ANGPT1: variants seen among roughly 807,000 people sequenced by gnomAD.
ANGPT1 encodes the protein angiopoietin 1.
In ANGPT1, 17 loss-of-function variants were observed where a neutral mutation model predicts 62.2. That is an observed-to-expected ratio of 0.27 (90% CI 0.19 to 0.41). The LOEUF is 0.41. ANGPT1 is among the 10% of genes least tolerant of loss of function. ANGPT1 has a pLI of 1.00. For synonymous variants in ANGPT1, 199 were observed against 198.9 expected (o/e 1.00, Z 0.00); for missense variants, 478 against 594.9 (o/e 0.80, Z 2.04).
intron 8 of ANGPT1, among the ~76,000 whole-genome samples, chr8:107,257,942 C>CTG (rs1231719825): frequency 7.0e-6 from 1 of 142,152 alleles, no homozygotes; most frequent in Non-Finnish European, 1.5e-5. Context: ...CTCTCTCTCT[C>CTG]TCTCTTTCTT....
chr8:107,259,509 C>T (rs1443928965), intron 8 of ANGPT1, among the ~76,000 whole-genome samples: 1 of 152,090 alleles, frequency 6.6e-6, no homozygotes, highest in African/African-American at 2.4e-5. Context: ...TACCAGTTGA[C>T]ATGGTTTATG....
intron 1 of ANGPT1, among the ~76,000 whole-genome samples, chr8:107,443,072 G>C (rs1469026510): frequency 6.6e-6 from 1 of 152,086 alleles, no homozygotes; most frequent in African/African-American, 2.4e-5. Flanking sequence ...TGATAACTTT[G>C]TGTTTGTGTG....
At chr8:107,452,836 G>C (rs1422744115) in intron 1 of ANGPT1, among the ~76,000 whole-genome samples, 1 of 151,906 alleles carries the variant, frequency 6.6e-6, no homozygotes, top group Non-Finnish European at 1.5e-5. Context: ...CATAGTACAG[G>C]CTCAATAAAT....
intron 1 of ANGPT1, among the ~76,000 whole-genome samples, chr8:107,476,222 T>C (rs1489729327): frequency 2.6e-5 from 4 of 152,134 alleles, no homozygotes; most frequent in Non-Finnish European, 5.9e-5. Context: ...TAAGAAAATG[T>C]GGAACATATA....
intron 3 of ANGPT1, among the ~76,000 whole-genome samples, chr8:107,326,046 G>A (rs1349777439): frequency 3.3e-5 from 5 of 152,098 alleles, no homozygotes; most frequent in African/African-American, 4.8e-5. Flanking sequence ...ACATTAGCAC[G>A]TTAGACAGAA....
intron 1 of ANGPT1, among the ~76,000 whole-genome samples, chr8:107,484,232 C>T (rs1812758344): frequency 6.6e-6 from 1 of 152,114 alleles, no homozygotes; most frequent in African/African-American, 2.4e-5. Context: ...CTGCAATCTG[C>T]CTCAAAGTAA....
chr8:107,430,116 T>C (rs1452236313), intron 1 of ANGPT1, among the ~76,000 whole-genome samples: 2 of 152,218 alleles, frequency 1.3e-5, no homozygotes, highest in Admixed American at 6.5e-5. Flanking sequence ...TGTTTTTTAT[T>C]AGAATTTTTA....
intron 1 of ANGPT1, among the ~76,000 whole-genome samples, chr8:107,475,168 T>C (rs1812483691): frequency 6.6e-6 from 1 of 152,040 alleles, no homozygotes; most frequent in Admixed American, 6.5e-5. Flanking sequence ...GGCATCACGC[T>C]ACCTGACTTC....
At chr8:107,319,752 C>T (rs1815106647) in intron 4 of ANGPT1, among the ~76,000 whole-genome samples, 1 of 151,908 alleles carries the variant, frequency 6.6e-6, no homozygotes, top group East Asian at 1.9e-4. Context: ...GATATGCAGA[C>T]AATGAAAATC....
intron 1 of ANGPT1, among the ~76,000 whole-genome samples, chr8:107,473,313 C>T (rs1442410717): frequency 6.6e-6 from 1 of 151,940 alleles, no homozygotes; most frequent in African/African-American, 2.4e-5. Context: ...TTTCTTTTTC[C>T]TATACAAGTC....
At chr8:107,486,344 G>A (rs1812814208) in intron 1 of ANGPT1, among the ~76,000 whole-genome samples, 1 of 152,078 alleles carries the variant, frequency 6.6e-6, no homozygotes, top group Non-Finnish European at 1.5e-5. Flanking sequence ...GCGTAATCCT[G>A]GGCAAGTTAC....
Position 107,497,817 on chromosome 8 carries a change from T to C in ANGPT1, c.-259A>G. 3.5e-6 allele frequency: 2 copies of C among 574,666 alleles called. No homozygotes were observed. The highest frequency in any genetic ancestry group is 5.7e-5 in the East Asian group (2 of 35,020). 35.6% of individuals were successfully genotyped at this position (574,666 alleles called of 1,614,324 possible). Reference sequence around the variant, plus strand: ...TTTATTGCATAGTAGCTGAGATTTATTGTTTCCTCTCTGTGTGACCGTTCA... The same window carrying C: ...TTTATTGCATAGTAGCTGAGATTTACTGTTTCCTCTCTGTGTGACCGTTCA... On this transcript the variant is annotated 5_prime_UTR_variant, in exon 1 of 9. Coordinates refer to ENST00000517746, the MANE Select transcript of ANGPT1 (RefSeq NM_001146.5).
At chr8:107,329,738 T>C (rs2130094819) in intron 3 of ANGPT1, among the ~76,000 whole-genome samples, 1 of 152,054 alleles carries the variant, frequency 6.6e-6, no homozygotes, top group Middle Eastern at 3.4e-3. Flanking sequence ...TATTGGGACA[T>C]TTCCCAGTTC....
intron 8 of ANGPT1, among the ~76,000 whole-genome samples, chr8:107,254,027 T>A (rs1813303001): frequency 1.3e-5 from 2 of 152,116 alleles, no homozygotes; most frequent in African/African-American, 2.4e-5. Flanking sequence ...TTGTTCATCA[T>A]CCTAAAAACA....
chr8:107,493,999 G>A (rs970035987), intron 1 of ANGPT1, among the ~76,000 whole-genome samples: 2 of 150,186 alleles, frequency 1.3e-5, no homozygotes, highest in African/African-American at 4.9e-5. Flanking sequence ...AAATATTCTG[G>A]ATGGCAATTC....
chr8:107,280,225 C>T (rs1293519777), intron 7 of ANGPT1, among the ~76,000 whole-genome samples: 10 of 150,564 alleles, frequency 6.6e-5, no homozygotes, highest in South Asian at 2.1e-4. Context: ...TTTGAGATGG[C>T]GTTTCACTCT....
At chr8:107,363,342 GA>G (rs1816206944) in intron 1 of ANGPT1, among the ~76,000 whole-genome samples, 1 of 152,180 alleles carries the variant, frequency 6.6e-6, no homozygotes, top group Admixed American at 6.5e-5. Context: ...GAATCTATTA[GA>G]AGTGTGAATT....
chr8:107,392,058 TCTC>T (rs1490213610), intron 1 of ANGPT1, among the ~76,000 whole-genome samples: 1 of 152,176 alleles, frequency 6.6e-6, no homozygotes, highest in Non-Finnish European at 1.5e-5. Context: ...AAAATAATAA[TCTC>T]CTCCATTCTG....
At chr8:107,368,021 G>C (rs756711636) in intron 1 of ANGPT1, among the ~76,000 whole-genome samples, 6 of 152,150 alleles carry the variant, frequency 3.9e-5, no homozygotes, top group Non-Finnish European at 5.9e-5. Flanking sequence ...CTGGCTTCTA[G>C]AATAGTGAAT....
Sources: allele counts gnomAD v4.1 joint callset (sites outside exome capture counted in the v4.1 genomes callset), GRCh38; gene constraint gnomAD v4.1.1; transcripts MANE v1.5; gene names NCBI Gene and HGNC (gene_info 2026-07-23, HGNC 2026-07-21).